The following ZNF385B variants were observed in gnomAD, a reference collection of about 807,000 sequenced individuals.
ZNF385B encodes zinc finger protein 533.
Under a neutral mutation model 39.2 loss-of-function variants are expected in ZNF385B, and 23 were observed. The observed-to-expected ratio is 0.59, with a 90% CI of 0.42 to 0.83. The LOEUF (loss-of-function observed/expected upper bound fraction) is 0.83, where lower values mean the gene tolerates loss of function less well. Among genes scored for constraint, ZNF385B ranks in the 40% least tolerant of loss-of-function variants. The pLI is 0.00. For synonymous variants in ZNF385B, 205 were observed against 222.6 expected (o/e 0.92, Z 0.70); for missense variants, 552 against 598.9 (o/e 0.92, Z 0.82).
chr2:179,494,661 A>C (rs2055962656), intron 5 of ZNF385B, among the ~76,000 whole-genome samples: 1 of 152,164 alleles, frequency 6.6e-6, no homozygotes, highest in South Asian at 2.1e-4. Context: ...AGTATAAAAA[A>C]AAAAGCAGAG....
At chr2:179,699,605 TA>T (rs1188704587) in intron 3 of ZNF385B, among the ~76,000 whole-genome samples, 5 of 152,220 alleles carry the variant, frequency 3.3e-5, no homozygotes, top group Admixed American at 6.5e-5. Context: ...AGAATATATG[TA>T]GGGGGTGTGG....
chr2:179,858,344 T>C (rs1335281218), intron 1 of ZNF385B, among the ~76,000 whole-genome samples: 1 of 151,654 alleles, frequency 6.6e-6, no homozygotes, highest in East Asian at 1.9e-4. Context: ...CCTGGTAGAG[T>C]TGAGGCACAT....
At chr2:179,464,359 C>G (rs895840123) in intron 6 of ZNF385B, among the ~76,000 whole-genome samples, 10 of 152,148 alleles carry the variant, frequency 6.6e-5, no homozygotes, top group African/African-American at 2.4e-4. Flanking sequence ...TTAATTATAT[C>G]CCATTTGTCA....
intron 1 of ZNF385B, among the ~76,000 whole-genome samples, chr2:179,795,136 A>G (rs1705577468): frequency 6.6e-6 from 1 of 152,144 alleles, no homozygotes; most frequent in Admixed American, 6.6e-5. Flanking sequence ...GCCTGAAATC[A>G]AGGAAGCTAA....
chr2:179,817,413 A>G (rs1254217122), intron 1 of ZNF385B, among the ~76,000 whole-genome samples: 2 of 152,210 alleles, frequency 1.3e-5, no homozygotes, highest in East Asian at 1.9e-4. Flanking sequence ...TTCACATATT[A>G]AAGCAGAATA....
chr2:179,729,542 T>C (rs111898505), intron 3 of ZNF385B, among the ~76,000 whole-genome samples: 7 of 152,222 alleles, frequency 4.6e-5, no homozygotes, highest in African/African-American at 1.4e-4. Context: ...TGCCTGGTCT[T>C]GTTCTTACAT....
chr2:179,748,930 G>A (rs1168669292), intron 3 of ZNF385B, among the ~76,000 whole-genome samples: 1 of 152,014 alleles, frequency 6.6e-6, no homozygotes, highest in African/African-American at 2.4e-5. Context: ...ATGTGAAGAG[G>A]GGTCTTTCTA....
At chr2:179,790,892 G>A (rs1017440164) in intron 1 of ZNF385B, among the ~76,000 whole-genome samples, 1 of 152,080 alleles carries the variant, frequency 6.6e-6, no homozygotes, top group Admixed American at 6.6e-5. Context: ...TTTCTTAGAG[G>A]GGAAAATTAT....
At chr2:179,853,130 T>C (rs1221945730) in intron 1 of ZNF385B, among the ~76,000 whole-genome samples, 1 of 152,206 alleles carries the variant, frequency 6.6e-6, no homozygotes, top group Non-Finnish European at 1.5e-5. Flanking sequence ...TTTCTTTCTA[T>C]ATTCCAATTT....
intron 3 of ZNF385B, among the ~76,000 whole-genome samples, chr2:179,694,950 G>GAAA (rs1698615714): frequency 8.0e-6 from 1 of 124,228 alleles, no homozygotes; most frequent in Admixed American, 8.1e-5. Context: ...AAAGAAAAAA[G>GAAA]AAAGAAGAGG....
chr2:179,729,855 TCA>T (rs1701273769), intron 3 of ZNF385B, among the ~76,000 whole-genome samples: 1 of 152,112 alleles, frequency 6.6e-6, no homozygotes, highest in South Asian at 2.1e-4. Flanking sequence ...AGTTCCTTCT[TCA>T]CACACTCTCT....
intron 3 of ZNF385B, among the ~76,000 whole-genome samples, chr2:179,552,258 C>G (rs965827492): frequency 6.7e-6 from 1 of 149,072 alleles, no homozygotes; most frequent in African/African-American, 2.5e-5. Flanking sequence ...AGTGGCTCTT[C>G]TTTATATGCC....
chr2:179,793,331 T>C (rs112955002), intron 1 of ZNF385B, among the ~76,000 whole-genome samples: 93 of 152,318 alleles, frequency 6.1e-4, no homozygotes, highest in African/African-American at 2.1e-3. Flanking sequence ...CACAAGACTG[T>C]CTGAAGGAAT....
At chr2:179,621,962 A>G (rs892669835) in intron 3 of ZNF385B, among the ~76,000 whole-genome samples, 2 of 152,102 alleles carry the variant, frequency 1.3e-5, no homozygotes, top group Non-Finnish European at 2.9e-5. Flanking sequence ...AAACTACAAA[A>G]TTATACAAGG....
At position 179,776,197 on chromosome 2, in the gene ZNF385B, G is replaced by T. The variant is rs139158542; in HGVS notation, c.-154-5525C>A. ...CTAAAGAGAAAGATCACACCTCTGTGGATGGGTGCGAGAAGGAAGAGATGT... is the reference window on the plus strand; with the variant it reads ...CTAAAGAGAAAGATCACACCTCTGTTGATGGGTGCGAGAAGGAAGAGATGT... On this transcript the variant is annotated intron_variant, in intron 1 of 9. Coordinates refer to ENST00000410066, the MANE Select transcript of ZNF385B (RefSeq NM_152520.6). Among the ~76,000 whole-genome samples, 271 of 152,348 alleles carry T rather than the reference G, an allele frequency of 1.8e-3. 1 individual carries two copies. The highest frequency in any genetic ancestry group is 6.2e-3 in the African/African-American group (259 of 41,580).
At chr2:179,663,070 G>C (rs1181300711) in intron 3 of ZNF385B, among the ~76,000 whole-genome samples, 1 of 152,038 alleles carries the variant, frequency 6.6e-6, no homozygotes, top group Non-Finnish European at 1.5e-5. Context: ...AGTTGTTTTT[G>C]CCTAAGGCCA....
chr2:179,797,153 T>C (rs1385652051), intron 1 of ZNF385B, among the ~76,000 whole-genome samples: 3 of 152,136 alleles, frequency 2.0e-5, no homozygotes, highest in Non-Finnish European at 2.9e-5. Context: ...CTGAGGTCCA[T>C]CTTAAGTACA....
intron 3 of ZNF385B, among the ~76,000 whole-genome samples, chr2:179,673,075 G>A (rs1696259444): frequency 6.6e-6 from 1 of 152,158 alleles, no homozygotes; most frequent in Non-Finnish European, 1.5e-5. Context: ...ATATTGAGGG[G>A]AGAGAGTGGC....
rs563785672 is a variant in ZNF385B at position 179,766,873 on chromosome 2, T to C, written c.298+2630A>G. ...GAAGACTGGCATTTTGTTTCTTATT[T>C]AGGCGCTTGCTTTGTCAGTGGGCTT... On this transcript the variant is annotated intron_variant, in intron 3 of 9. Transcript: ENST00000410066. Among the ~76,000 whole-genome samples the C allele has an allele frequency of 3.9e-5, 6 of 152,270 alleles. No homozygotes were observed. In the East Asian group the frequency reaches 1.2e-3, roughly 29 times the overall value.
Sources: allele counts gnomAD v4.1 joint callset (sites outside exome capture counted in the v4.1 genomes callset), GRCh38; gene constraint gnomAD v4.1.1; transcripts MANE v1.5; gene names NCBI Gene and HGNC (gene_info 2026-07-23, HGNC 2026-07-21).